The following GNAT3 variants were observed in gnomAD, a reference collection of about 807,000 sequenced individuals.
GNAT3 encodes the protein guanine nucleotide-binding protein G(t) subunit alpha-3.
GNAT3 carries 31 observed loss-of-function variants against 37.7 expected under a neutral mutation model. That is an observed-to-expected ratio of 0.82 (90% CI 0.62 to 1.11). The LOEUF (loss-of-function observed/expected upper bound fraction) is 1.11. GNAT3 is among the 50% of genes most tolerant of loss of function. GNAT3 has a pLI of 0.00. For synonymous variants in GNAT3, 138 were observed against 139.8 expected (o/e 0.99, Z 0.09); for missense variants, 437 against 412.5 (o/e 1.06, Z -0.51).
intron 3 of GNAT3, chr7:80,487,830 G>T (rs953286399): frequency 6.6e-6 from 1 of 151,800 alleles, no homozygotes; most frequent in African/African-American, 2.4e-5. Flanking sequence ...TTTTGGGTGG[G>T]GTCAACTGTG....
intron 2 of GNAT3, among the ~76,000 whole-genome samples, chr7:80,489,568 A>G (rs559412459): frequency 5.3e-5 from 8 of 152,260 alleles, no homozygotes; most frequent in African/African-American, 1.9e-4. Context: ...GTCTTTGAAG[A>G]TATTAGAAGC....
intron 1 of GNAT3, among the ~76,000 whole-genome samples, chr7:80,497,645 T>TATACGTATATACAC (rs1790755542): frequency 8.9e-6 from 1 of 112,422 alleles, no homozygotes; most frequent in African/African-American, 4.9e-5. Context: ...CGTATATACA[T>TATACGTATATACAC]ATACGTATAT....
At chr7:80,509,472 T>C (rs1791014547) in intron 1 of GNAT3, among the ~76,000 whole-genome samples, 1 of 152,168 alleles carries the variant, frequency 6.6e-6, no homozygotes, top group Non-Finnish European at 1.5e-5. Context: ...ATTGTATGTA[T>C]AAAATTGTAA....
chr7:80,473,498 CAA>C (rs112319714), intron 5 of GNAT3, among the ~76,000 whole-genome samples: 5,321 of 152,040 alleles, frequency 0.035, 350 homozygotes, highest in African/African-American at 0.12. Flanking sequence ...TTGTTTGATA[CAA>C]GAGTAATTTT....
chr7:80,510,541 T>C (rs1384221754), intron 1 of GNAT3, among the ~76,000 whole-genome samples: 1 of 152,174 alleles, frequency 6.6e-6, no homozygotes, highest in Non-Finnish European at 1.5e-5. Flanking sequence ...CATATTACTT[T>C]CACTCTTGCT....
At chr7:80,469,562 A>G (rs1790175600) in intron 5 of GNAT3, among the ~76,000 whole-genome samples, 1 of 152,160 alleles carries the variant, frequency 6.6e-6, no homozygotes, top group African/African-American at 2.4e-5. Flanking sequence ...ATTAGATGAT[A>G]CACAATTATG....
At chr7:80,508,415 AG>A (rs1170917196) in intron 1 of GNAT3, among the ~76,000 whole-genome samples, 2 of 152,086 alleles carry the variant, frequency 1.3e-5, no homozygotes, top group African/African-American at 2.4e-5. Flanking sequence ...TTTGAATAAA[AG>A]TACCATTGAA....
intron 1 of GNAT3, among the ~76,000 whole-genome samples, chr7:80,495,584 C>G (rs1161910336): frequency 6.6e-6 from 1 of 152,032 alleles, no homozygotes; most frequent in Non-Finnish European, 1.5e-5. Context: ...ATTCTCATGC[C>G]TTAGCCTCCC....
intron 1 of GNAT3, among the ~76,000 whole-genome samples, chr7:80,496,714 C>G (rs113016841): frequency 0.012 from 1,792 of 152,298 alleles, 16 homozygotes; most frequent in South Asian, 0.019. Flanking sequence ...ACTCATACTT[C>G]AGAAATGAGA....
intron 5 of GNAT3, among the ~76,000 whole-genome samples, chr7:80,464,964 C>T (rs1020547796): frequency 2.6e-5 from 4 of 151,918 alleles, no homozygotes; most frequent in African/African-American, 9.7e-5. Flanking sequence ...ATTATATGTG[C>T]TACTAATTAC....
At chr7:80,499,709 C>A (rs994453703) in intron 1 of GNAT3, among the ~76,000 whole-genome samples, 2 of 152,146 alleles carry the variant, frequency 1.3e-5, no homozygotes, top group Non-Finnish European at 2.9e-5. Flanking sequence ...CATCAAAATT[C>A]TCTGTCCTTT....
At position 80,503,732 on chromosome 7, in the gene GNAT3, G is replaced by A. The variant is rs188247060; in HGVS notation, c.118+8077C>T. On this transcript the variant is annotated intron_variant, in intron 1 of 7. Transcript: ENST00000398291. ...ATACATGGGCAGCAAAGTAAAGTTG[G>A]GAAATTATTTTGAGATCTCCCAAAG... 1.2e-3 allele frequency among the ~76,000 whole-genome samples: 185 copies of A among 152,232 alleles called. 1 individual carries two copies. Among genetic ancestry groups the A allele is most frequent in the African/African-American group, 4.1e-3 (172 of 41,542 alleles).
chr7:80,471,933 G>C (rs965707032), intron 5 of GNAT3, among the ~76,000 whole-genome samples: 1 of 151,968 alleles, frequency 6.6e-6, no homozygotes, highest in Admixed American at 6.6e-5. Context: ...TGTATGTAGA[G>C]TGTTTGGCAT....
chr7:80,470,748 C>T (rs1466987435), intron 5 of GNAT3, among the ~76,000 whole-genome samples: 1 of 151,924 alleles, frequency 6.6e-6, no homozygotes, highest in Non-Finnish European at 1.5e-5. Context: ...TGACTATGTA[C>T]CAAAGGGGGT....
intron 1 of GNAT3, among the ~76,000 whole-genome samples, chr7:80,500,938 T>G (rs1254199486): frequency 6.6e-6 from 1 of 152,048 alleles, no homozygotes; most frequent in Non-Finnish European, 1.5e-5. Context: ...CTGGCATTGG[T>G]TGGCTAATAT....
intron 1 of GNAT3, among the ~76,000 whole-genome samples, chr7:80,511,006 T>A (rs1324105659): frequency 6.6e-6 from 1 of 152,152 alleles, no homozygotes; most frequent in East Asian, 1.9e-4. Flanking sequence ...ATTCTTTATA[T>A]AGGTCATCAT....
At chr7:80,492,797 T>C (rs973983497) in intron 2 of GNAT3, among the ~76,000 whole-genome samples, 14 of 151,592 alleles carry the variant, frequency 9.2e-5, no homozygotes, top group Non-Finnish European at 1.5e-4. Flanking sequence ...CAATTAAAAA[T>C]ATCCATTTCT....
Position 80,504,081 on chromosome 7 carries a change from C to T in GNAT3, c.118+7728G>A, listed in dbSNP as rs551258616. Among the ~76,000 whole-genome samples, 5 of 152,156 alleles carry T rather than the reference C, an allele frequency of 3.3e-5. No homozygotes were observed. The South Asian group carries it at 8.3e-4, about 25-fold the overall frequency. The stretch of plus-strand genomic sequence containing the variant: ...CTGTAATTCCAGCACTTTGGGAGGC[C>T]GAGACAGGCAGATCGCTTGAGCCCA... On this transcript the variant is annotated intron_variant, in intron 1 of 7. Coordinates refer to ENST00000398291, the MANE Select transcript of GNAT3 (RefSeq NM_001102386.3).
chr7:80,500,854 C>A (rs1165690728), intron 1 of GNAT3, among the ~76,000 whole-genome samples: 2 of 152,100 alleles, frequency 1.3e-5, no homozygotes, highest in South Asian at 4.2e-4. Flanking sequence ...GTATTTTAAA[C>A]ATGCATTGTT....
Sources: gnomAD v4.1 joint callset for allele counts (sites outside exome capture counted in the v4.1 genomes callset) on GRCh38, gnomAD v4.1.1 for gene constraint, MANE v1.5 for transcripts, NCBI Gene and HGNC (gene_info 2026-07-23, HGNC 2026-07-21) for gene names.